RAD51B: variants seen among roughly 807,000 people sequenced by gnomAD.
The protein encoded by RAD51B is DNA repair protein RAD51 homolog 2.
In RAD51B, 38 loss-of-function variants were observed where a neutral mutation model predicts 42.2. The observed-to-expected ratio is 0.90, with a 90% CI of 0.70 to 1.18. The LOEUF (loss-of-function observed/expected upper bound fraction) is 1.18. Ranked by LOEUF, RAD51B falls within the 50% of genes most tolerant of loss-of-function variation. RAD51B has a pLI of 0.00. For missense variants in RAD51B, 373 were observed against 400.7 expected, an observed-to-expected ratio of 0.93 and a Z score of 0.59; for synonymous variants, 154 against 145.2, an observed-to-expected ratio of 1.06 and a Z score of -0.43.
chr14:68,045,351 A>C (rs1234303636), intron 7 of RAD51B, among the ~76,000 whole-genome samples: 1 of 151,948 alleles, frequency 6.6e-6, no homozygotes, highest in East Asian at 1.9e-4. Flanking sequence ...TTTTAAGAGC[A>C]GCTCTTGTTT....
At chr14:68,023,972 A>G (rs2075910666) in intron 7 of RAD51B, among the ~76,000 whole-genome samples, 1 of 152,190 alleles carries the variant, frequency 6.6e-6, no homozygotes, top group African/African-American at 2.4e-5. Flanking sequence ...AGACGTTTAT[A>G]GTTTGAGGTC....
chr14:68,182,691 G>A (rs938665023), intron 7 of RAD51B, among the ~76,000 whole-genome samples: 1 of 152,218 alleles, frequency 6.6e-6, no homozygotes. Context: ...GACATGTACT[G>A]CAGAAACAAA....
intron 7 of RAD51B, among the ~76,000 whole-genome samples, chr14:68,087,579 C>A (rs963871047): frequency 9.2e-5 from 14 of 151,410 alleles, no homozygotes; most frequent in African/African-American, 3.4e-4. Context: ...AAAGAAAGTT[C>A]GCTGTGGAAC....
intron 8 of RAD51B, among the ~76,000 whole-genome samples, chr14:68,370,647 TG>T (rs1159645024): frequency 1.3e-5 from 2 of 152,002 alleles, no homozygotes; most frequent in African/African-American, 2.4e-5. Context: ...TGGCTCAGAC[TG>T]GGGGGTGTGG....
At chr14:67,884,138 A>G (rs1429193515) in intron 5 of RAD51B, among the ~76,000 whole-genome samples, 1 of 152,236 alleles carries the variant, frequency 6.6e-6, no homozygotes, top group Non-Finnish European at 1.5e-5. Context: ...AAAAACATTT[A>G]GAGAAACAAA....
chr14:68,304,912 T>C (rs2081828075), intron 8 of RAD51B, among the ~76,000 whole-genome samples: 3 of 152,232 alleles, frequency 2.0e-5, no homozygotes, highest in African/African-American at 7.2e-5. Context: ...TTTTGTCACA[T>C]TTCTTTTGTC....
At position 68,252,879 on chromosome 14, in the gene RAD51B, G is replaced by A. The variant is rs1452702245; in HGVS notation, c.757-39005G>A. Reference sequence around the variant, plus strand: ...GCAGATCACCTGAGGTCAGGAGTTCGAGACCAGCCTAGCCAACATGGCGAA... The same window carrying A: ...GCAGATCACCTGAGGTCAGGAGTTCAAGACCAGCCTAGCCAACATGGCGAA... On this transcript the variant is annotated intron_variant, in intron 7 of 10. Transcript: ENST00000471583. 3.9e-5 allele frequency among the ~76,000 whole-genome samples: 6 copies of A among 152,024 alleles called. No individual in the cohort carries two copies. In the South Asian group the frequency reaches 1.0e-3, roughly 26 times the overall value.
rs533319057 is a variant in RAD51B at position 68,486,712 on chromosome 14, A to T, written c.1036+18462A>T. On this transcript the variant is annotated intron_variant, in intron 10 of 10. Transcript: ENST00000487270. Reference sequence around the variant, plus strand: ...CAGACAAAAACTGCTTGTTAAACCCAACCAACTAGTTGGATGAACCTTAAG... The same window carrying T: ...CAGACAAAAACTGCTTGTTAAACCCTACCAACTAGTTGGATGAACCTTAAG... Among the ~76,000 whole-genome samples, 284 of 152,354 alleles carry T rather than the reference A, an allele frequency of 1.9e-3. 2 individuals are homozygous for T. Among genetic ancestry groups the T allele is most frequent in the African/African-American group, 6.0e-3 (248 of 41,578 alleles).
intron 7 of RAD51B, among the ~76,000 whole-genome samples, chr14:68,027,435 A>G (rs923929096): frequency 1.4e-4 from 22 of 152,068 alleles, no homozygotes; most frequent in African/African-American, 5.1e-4. Flanking sequence ...ATATTTTCCA[A>G]GTTGCTTACT....
chr14:68,259,820 G>A (rs974630514), intron 7 of RAD51B, among the ~76,000 whole-genome samples: 4 of 152,070 alleles, frequency 2.6e-5, no homozygotes, highest in African/African-American at 4.8e-5. Flanking sequence ...ACCAAGCAGC[G>A]ATATGGCTAT....
In RAD51B at chr14:68,277,324, A is replaced by G. The variant is rs537836711; in HGVS notation, c.757-14560A>G. Reference sequence around the variant, plus strand: ...AAGCCAAGATCCAGTTCCACGGGACATAACAATTCACAAGCAGCTCATCCT... The same window carrying G: ...AAGCCAAGATCCAGTTCCACGGGACGTAACAATTCACAAGCAGCTCATCCT... On this transcript the variant is annotated intron_variant, in intron 7 of 10. Coordinates refer to ENST00000471583, the MANE Select transcript of RAD51B (RefSeq NM_133510.4). 2.0e-5 allele frequency among the ~76,000 whole-genome samples: 3 copies of G among 152,230 alleles called. No homozygotes were observed. In the South Asian group the frequency reaches 6.2e-4, roughly 32 times the overall value.
chr14:68,205,732 T>C (rs2140934404), intron 7 of RAD51B, among the ~76,000 whole-genome samples: 1 of 152,196 alleles, frequency 6.6e-6, no homozygotes, highest in South Asian at 2.1e-4. Flanking sequence ...CCACATTTGC[T>C]TTATAATTTA....
chr14:68,138,717 A>G (rs2078061254), intron 7 of RAD51B, among the ~76,000 whole-genome samples: 1 of 152,158 alleles, frequency 6.6e-6, no homozygotes, highest in South Asian at 2.1e-4. Context: ...AACAAGGTAT[A>G]ATTGTAAAAT....
At chr14:68,276,694 C>G (rs186097213) in intron 7 of RAD51B, among the ~76,000 whole-genome samples, 2 of 152,276 alleles carry the variant, frequency 1.3e-5, no homozygotes, top group East Asian at 1.9e-4. Context: ...CAAAACCCGT[C>G]CCCACCACTT....
At chr14:68,253,080 C>CAAAA (rs750026666) in intron 7 of RAD51B, among the ~76,000 whole-genome samples, 1 of 108,566 alleles carries the variant, frequency 9.2e-6, no homozygotes, top group African/African-American at 3.3e-5. Context: ...AGGACTCCGT[C>CAAAA]AAAAAAAAAA....
chr14:68,408,275 T>C lies in RAD51B; in HGVS notation c.854-3149T>C, dbSNP rs1039618824. 3.9e-5 allele frequency among the ~76,000 whole-genome samples: 6 copies of C among 152,278 alleles called. No homozygotes were observed. The East Asian group carries it at 1.2e-3, about 29-fold the overall frequency. On this transcript the variant is annotated intron_variant, in intron 8 of 10. Coordinates refer to ENST00000471583, the MANE Select transcript of RAD51B (RefSeq NM_133510.4). ...GAGAAGCATGAGAGAAGGAAACATTTTGAAAATGGAGCTGAGGTTTTAAAC... is the reference window on the plus strand; with the variant it reads ...GAGAAGCATGAGAGAAGGAAACATTCTGAAAATGGAGCTGAGGTTTTAAAC...
intron 7 of RAD51B, among the ~76,000 whole-genome samples, chr14:68,099,744 A>G (rs141834239): frequency 4.8e-4 from 73 of 152,290 alleles, no homozygotes; most frequent in African/African-American, 1.6e-3. Context: ...ACCAAGTAAC[A>G]CTAGGCCCTT....
chr14:68,607,923 G>T (rs577285967), intron 10 of RAD51B, among the ~76,000 whole-genome samples: 1 of 152,328 alleles, frequency 6.6e-6, no homozygotes, highest in East Asian at 1.9e-4. Flanking sequence ...GAGCCAGGCC[G>T]AAAGGCAAAG....
At chr14:68,677,162 C>A (rs1446521899) in intron 11 of RAD51B, among the ~76,000 whole-genome samples, 1 of 152,156 alleles carries the variant, frequency 6.6e-6, no homozygotes, top group Admixed American at 6.5e-5. Context: ...ATATACCATG[C>A]TGTTTTGGGT....
Sources: allele counts gnomAD v4.1 joint callset (sites outside exome capture counted in the v4.1 genomes callset), GRCh38; gene constraint gnomAD v4.1.1; transcripts MANE v1.5; gene names NCBI Gene and HGNC (gene_info 2026-07-23, HGNC 2026-07-21).